Variants in ADAM2 observed in about 807,000 individuals in gnomAD.
ADAM2 encodes ADAM metallopeptidase domain 2, also known as disintegrin and metalloproteinase domain-containing protein 2.
ADAM2 carries 101 observed loss-of-function variants against 99.3 expected under a neutral mutation model. The ratio of observed to expected loss-of-function variants is 1.02; its 90% CI spans 0.87 to 1.20. The LOEUF is 1.20. Ranked by LOEUF, ADAM2 falls within the 50% of genes most tolerant of loss-of-function variation. ADAM2 has a pLI of 0.00. For synonymous variants in ADAM2, 323 were observed against 287.6 expected (o/e 1.12, Z -1.25); for missense variants, 948 against 878.7 (o/e 1.08, Z -1.00).
chr8:39,837,310 G>C (rs1016142707), intron 1 of ADAM2, 98 bp from the exon 2 acceptor site: 2 of 674,308 alleles, frequency 3.0e-6, no homozygotes, highest in Non-Finnish European at 4.8e-6. Flanking sequence ...TATTCTATAC[G>C]CTGCTTCTCA....
At chr8:39,777,856 AATG>A (rs1292529842) in intron 10 of ADAM2, among the ~76,000 whole-genome samples, 1 of 151,708 alleles carries the variant, frequency 6.6e-6, no homozygotes, top group East Asian at 1.9e-4. Flanking sequence ...TTGATTCCTC[AATG>A]ATAATATTTT....
At position 39,810,897 on chromosome 8, in the gene ADAM2, A is replaced by G. The variant is rs189620579; in HGVS notation, c.514-1431T>C. Among the ~76,000 whole-genome samples the G allele has an allele frequency of 6.7e-4, 102 of 152,278 alleles. 1 individual carries two copies. The highest frequency in any genetic ancestry group is 2.3e-3 in the African/African-American group (97 of 41,554). Reference sequence around the variant, plus strand: ...GAACTAGAGAAGCAAGAGCAAACACATTCAAAACCTAGCAGAAGGCAAGAA... The same window carrying G: ...GAACTAGAGAAGCAAGAGCAAACACGTTCAAAACCTAGCAGAAGGCAAGAA... On this transcript the variant is annotated intron_variant, in intron 6 of 20. Coordinates refer to ENST00000265708, the MANE Select transcript of ADAM2 (RefSeq NM_001464.5).
chr8:39,815,246 A>G (rs780194908), intron 6 of ADAM2, among the ~76,000 whole-genome samples: 29 of 152,164 alleles, frequency 1.9e-4, no homozygotes, highest in Admixed American at 2.6e-4. Flanking sequence ...TTATTTTTAA[A>G]TCTATTTTTA....
intron 6 of ADAM2, among the ~76,000 whole-genome samples, chr8:39,810,109 A>G (rs990799234): frequency 1.3e-5 from 2 of 151,578 alleles, no homozygotes; most frequent in African/African-American, 2.4e-5. Context: ...CAAATGGAAA[A>G]CAAAAAAAAA....
intron 7 of ADAM2, among the ~76,000 whole-genome samples, chr8:39,803,868 T>G (rs1301429240): frequency 6.6e-6 from 1 of 152,206 alleles, no homozygotes; most frequent in African/African-American, 2.4e-5. Flanking sequence ...TTTGTTTTGT[T>G]TTGTTTTTAA....
chr8:39,744,852 T>G lies in ADAM2; in HGVS notation c.*8A>C, dbSNP rs546128626. On this transcript the variant is annotated 3_prime_UTR_variant, in exon 20 of 21. Transcript: ENST00000265708. ...CACAGTGATATCATGGCATCTCTGT[T>G]GTCCAGACTACCCTTTAGGTTCACT... 6 of 1,598,162 alleles carry G rather than the reference T, an allele frequency of 3.8e-6. No individual in the cohort carries two copies. In the South Asian group the frequency reaches 4.5e-5, roughly 12 times the overall value.
chr8:39,754,456 C>G (rs1802072302), intron 16 of ADAM2, among the ~76,000 whole-genome samples: 2 of 152,114 alleles, frequency 1.3e-5, no homozygotes, highest in African/African-American at 4.8e-5. Flanking sequence ...ATTCCTACCT[C>G]ACATAACGTA....
chr8:39,761,296 G>T lies in ADAM2; in HGVS notation c.1508-15C>A. On this transcript the variant is annotated splice_polypyrimidine_tract_variant and intron_variant, in intron 14 of 20. Coordinates refer to ENST00000265708, the MANE Select transcript of ADAM2 (RefSeq NM_001464.5). Reference sequence around the variant, plus strand: ...AAACTCTACTTCTGAAAATAAAAAGGTGAGGTTAGTCATATTAAACTTATA... The same window carrying T: ...AAACTCTACTTCTGAAAATAAAAAGTTGAGGTTAGTCATATTAAACTTATA... The T allele has an allele frequency of 6.7e-7, 1 of 1,489,450 alleles. No homozygotes were observed. The highest frequency in any genetic ancestry group is 1.8e-5 in the Admixed American group (1 of 54,534). The allele number at this position is 1,489,450 out of a possible 1,614,324, so 92.3% of individuals were successfully genotyped here.
chr8:39,792,073 C>T (rs1275320138), intron 7 of ADAM2, among the ~76,000 whole-genome samples: 1 of 151,744 alleles, frequency 6.6e-6, no homozygotes, highest in Non-Finnish European at 1.5e-5. Flanking sequence ...CAGTGTAGCA[C>T]TACCATCTTG....
chr8:39,833,896 A>C (rs1247527256), intron 3 of ADAM2, 48 bp downstream of exon 3: 2 of 1,047,516 alleles, frequency 1.9e-6, no homozygotes, highest in Admixed American at 3.9e-5. Flanking sequence ...TCAAGCAAAA[A>C]TTATAAGTAG....
At chr8:39,777,538 G>A (rs1435065470) in intron 10 of ADAM2, among the ~76,000 whole-genome samples, 1 of 152,068 alleles carries the variant, frequency 6.6e-6, no homozygotes, top group African/African-American at 2.4e-5. Context: ...GCTGGGAAGG[G>A]TAGTACAAAG....
intron 7 of ADAM2, among the ~76,000 whole-genome samples, chr8:39,793,005 A>C (rs765667239): frequency 2.0e-5 from 3 of 152,108 alleles, no homozygotes; most frequent in Non-Finnish European, 4.4e-5. Flanking sequence ...CTTTATAAGA[A>C]AAAGTTGCAT....
intron 15 of ADAM2, among the ~76,000 whole-genome samples, chr8:39,760,901 A>AAAAAAAAAAAAAAC (rs1802339354): frequency 6.7e-6 from 1 of 148,898 alleles, no homozygotes; most frequent in African/African-American, 2.5e-5. Flanking sequence ...AAAAAAAAAA[A>AAAAAAAAAAAAAAC]AAAAAAAAAA....
intron 2 of ADAM2, among the ~76,000 whole-genome samples, chr8:39,836,671 T>C (rs1805839787): frequency 6.6e-6 from 1 of 152,114 alleles, no homozygotes; most frequent in African/African-American, 2.4e-5. Flanking sequence ...TAAAATAATC[T>C]AAAATAGCAT....
chr8:39,788,609 G>A, intron 8 of ADAM2, 60 bp downstream of exon 8: 1 of 1,152,550 alleles, frequency 8.7e-7, no homozygotes, highest in Non-Finnish European at 1.3e-6. Context: ...GTCATAATGA[G>A]GTGTAGAAAT....
Position 39,769,300 on chromosome 8 carries a change from T to A in ADAM2, c.1212+92A>T, listed in dbSNP as rs146225617. The stretch of plus-strand genomic sequence containing the variant: ...TGAATCATTTGCAGAAAATTTAGCT[T>A]GATGAATTAAGGAAAATGGCAGTTT... On this transcript the variant is annotated intron_variant, in intron 12 of 20. Transcript: ENST00000265708. The A allele has an allele frequency of 6.1e-6, 6 of 988,148 alleles. No individual in the cohort carries two copies. The East Asian group carries it at 1.4e-4, about 24-fold the overall frequency. 61.2% of individuals were successfully genotyped at this position (988,148 alleles called of 1,614,324 possible). A position where few individuals can be genotyped will look rare whatever the true frequency, so the allele number is the denominator to read the frequency against.
chr8:39,838,077 G>A, intron 1 of ADAM2, 54 bp downstream of exon 1: 2 of 1,583,184 alleles, frequency 1.3e-6, no homozygotes, highest in Non-Finnish European at 1.7e-6. Context: ...TGGAGGCAAA[G>A]GGAGAGTAGC....
chr8:39,793,769 T>C (rs1289273819), intron 7 of ADAM2, among the ~76,000 whole-genome samples: 2 of 152,032 alleles, frequency 1.3e-5, no homozygotes, highest in Admixed American at 6.6e-5. Context: ...AATATAAAGA[T>C]TGATGGGTTT....
intron 2 of ADAM2, among the ~76,000 whole-genome samples, chr8:39,835,763 T>C (rs932791275): frequency 1.3e-5 from 2 of 152,068 alleles, no homozygotes; most frequent in African/African-American, 2.4e-5. Flanking sequence ...ATTCAAAATA[T>C]ATAGTTTCAT....
Sources: gnomAD v4.1 joint callset for allele counts (sites outside exome capture counted in the v4.1 genomes callset) on GRCh38, gnomAD v4.1.1 for gene constraint, MANE v1.5 for transcripts, NCBI Gene and HGNC (gene_info 2026-07-23, HGNC 2026-07-21) for gene names.